Variants in EPHA6 observed in about 807,000 individuals in gnomAD.
The protein encoded by EPHA6 is ephrin type-A receptor 6.
Under a neutral mutation model 112.0 loss-of-function variants are expected in EPHA6, and 50 were observed. The ratio of observed to expected loss-of-function variants is 0.45; its 90% CI spans 0.36 to 0.56. The LOEUF is 0.56. Among genes scored for constraint, EPHA6 ranks in the 20% least tolerant of loss-of-function variants. The pLI is 0.00. For synonymous variants in EPHA6, 529 were observed against 490.7 expected, an observed-to-expected ratio of 1.08 and a Z score of -1.03; for missense variants, 1,280 against 1,417.4, an observed-to-expected ratio of 0.90 and a Z score of 1.56.
intron 5 of EPHA6, among the ~76,000 whole-genome samples, chr3:97,371,937 G>A (rs563209313): frequency 1.3e-5 from 2 of 152,066 alleles, no homozygotes; most frequent in Non-Finnish European, 2.9e-5. Flanking sequence ...ATAAATTTTG[G>A]TCAGAACGGT....
At chr3:97,434,431 T>C (rs1006812399) in intron 6 of EPHA6, among the ~76,000 whole-genome samples, 5 of 152,172 alleles carry the variant, frequency 3.3e-5, no homozygotes, top group Admixed American at 2.0e-4. Flanking sequence ...TGATTTATTT[T>C]GACTAATTTG....
chr3:97,435,885 G>T (rs1167846345), intron 6 of EPHA6, among the ~76,000 whole-genome samples: 1 of 151,930 alleles, frequency 6.6e-6, no homozygotes, highest in Non-Finnish European at 1.5e-5. Flanking sequence ...TACTCTACTC[G>T]CATTTAAAAC....
chr3:97,070,477 A>G (rs1041469228), intron 3 of EPHA6, among the ~76,000 whole-genome samples: 2 of 152,168 alleles, frequency 1.3e-5, no homozygotes, highest in Non-Finnish European at 2.9e-5. Flanking sequence ...TCTCTGAACC[A>G]GAGTAACTCA....
At chr3:97,052,415 AT>A (rs138953805) in intron 3 of EPHA6, among the ~76,000 whole-genome samples, 7 of 151,678 alleles carry the variant, frequency 4.6e-5, no homozygotes, top group East Asian at 1.9e-4. Context: ...AAAGACTTTA[AT>A]TTTTTTTTCT....
chr3:96,945,612 A>G (rs1484358525), intron 2 of EPHA6, among the ~76,000 whole-genome samples: 1 of 152,164 alleles, frequency 6.6e-6, no homozygotes, highest in Admixed American at 6.5e-5. Flanking sequence ...CTATTTTTCT[A>G]GGTTTTTTGG....
intron 6 of EPHA6, chr3:97,447,962 T>TGACTC: frequency 9.5e-6 from 2 of 211,594 alleles, no homozygotes; most frequent in South Asian, 1.7e-4. Flanking sequence ...AGGAGTCAAT[T>TGACTC]CTCCCTTACA....
At chr3:97,694,950 G>A (rs2032935514) in intron 14 of EPHA6, among the ~76,000 whole-genome samples, 1 of 152,186 alleles carries the variant, frequency 6.6e-6, no homozygotes, top group African/African-American at 2.4e-5. Context: ...TCCCTGGGCA[G>A]TACCATCTGA....
intron 3 of EPHA6, among the ~76,000 whole-genome samples, chr3:97,095,978 G>C (rs2047223621): frequency 6.6e-6 from 1 of 151,814 alleles, no homozygotes; most frequent in Non-Finnish European, 1.5e-5. Flanking sequence ...TGAATGTGAT[G>C]GCTCAGGATG....
At chr3:97,546,080 G>T (rs1025917697) in intron 11 of EPHA6, among the ~76,000 whole-genome samples, 5 of 152,152 alleles carry the variant, frequency 3.3e-5, no homozygotes, top group Non-Finnish European at 5.9e-5. Flanking sequence ...AGTTAATATT[G>T]TTATGTGTGA....
At chr3:96,855,986 T>A (rs2035674472) in intron 1 of EPHA6, among the ~76,000 whole-genome samples, 1 of 152,062 alleles carries the variant, frequency 6.6e-6, no homozygotes, top group Admixed American at 6.6e-5. Context: ...AGGCCAGGGT[T>A]GCATAAGGTC....
intron 12 of EPHA6, among the ~76,000 whole-genome samples, chr3:97,595,942 G>A (rs574902490): frequency 9.0e-6 from 1 of 111,276 alleles, no homozygotes; most frequent in African/African-American, 3.6e-5. Flanking sequence ...GTCTCTCTCT[G>A]TCGCCCAGGC....
chr3:97,129,216 G>A (rs1222511575), intron 3 of EPHA6, among the ~76,000 whole-genome samples: 1 of 152,010 alleles, frequency 6.6e-6, no homozygotes, highest in Non-Finnish European at 1.5e-5. Context: ...GTACAGTGGT[G>A]GGGCCAGGTG....
rs1692717117 is a variant in EPHA6 at position 97,199,237 on chromosome 3, C to T, written c.1115-27027C>T. Reference sequence around the variant, plus strand: ...GAGCCACAGTTGGAGGTCATGGCTGCGATTTTGTAAAATAGGGTATTGGGG... The same window carrying T: ...GAGCCACAGTTGGAGGTCATGGCTGTGATTTTGTAAAATAGGGTATTGGGG... On this transcript the variant is annotated intron_variant, in intron 3 of 17. Coordinates refer to ENST00000389672, the MANE Select transcript of EPHA6 (RefSeq NM_001080448.3). Among the ~76,000 whole-genome samples, 4 of 151,988 alleles carry T rather than the reference C, an allele frequency of 2.6e-5. No homozygotes were observed. The South Asian group carries it at 6.2e-4, about 24-fold the overall frequency.
chr3:97,324,440 T>TCTTTCTTTCTTTC (rs2082293970), intron 5 of EPHA6, among the ~76,000 whole-genome samples: 1 of 147,878 alleles, frequency 6.8e-6, no homozygotes, highest in African/African-American at 2.5e-5. Context: ...TTTCTTTCTT[T>TCTTTCTTTCTTTC]CTTTCTTTCT....
chr3:97,548,833 T>C (rs1378360929), intron 11 of EPHA6, among the ~76,000 whole-genome samples: 1 of 152,248 alleles, frequency 6.6e-6, no homozygotes, highest in Non-Finnish European at 1.5e-5. Flanking sequence ...TACAGGTTTT[T>C]ATGTAAACAT....
intron 3 of EPHA6, among the ~76,000 whole-genome samples, chr3:97,033,683 C>T (rs903571665): frequency 5.3e-5 from 8 of 151,870 alleles, no homozygotes; most frequent in African/African-American, 9.7e-5. Context: ...GATTTAAAAA[C>T]GAATCCTTAC....
In EPHA6 at chr3:97,754,707, T is replaced by C. The variant is rs2035982699; in HGVS notation, c.*6006T>C. On this transcript the variant is annotated 3_prime_UTR_variant, in exon 18 of 18. Coordinates refer to ENST00000389672, the MANE Select transcript of EPHA6 (RefSeq NM_001080448.3). ...GCAAAGTTTCCTTTATTTATTTATT[T>C]ATTCATTTATTTTTGAGACGGAGTC... Among the ~76,000 whole-genome samples, 1 of 152,188 alleles carries C rather than the reference T, an allele frequency of 6.6e-6. No individual in the cohort carries two copies. Among genetic ancestry groups the C allele is most frequent in the Non-Finnish European group, 1.5e-5 (1 of 68,032 alleles).
intron 7 of EPHA6, among the ~76,000 whole-genome samples, chr3:97,475,066 C>T (rs932740791): frequency 6.6e-6 from 1 of 152,052 alleles, no homozygotes; most frequent in African/African-American, 2.4e-5. Flanking sequence ...TTTTACAGCA[C>T]ATACTTAATC....
intron 7 of EPHA6, chr3:97,466,183 A>C (rs1240167958): frequency 1.4e-6 from 1 of 706,586 alleles, no homozygotes; most frequent in Non-Finnish European, 2.6e-6. Flanking sequence ...ATTTCACCCT[A>C]CACTTCCAAT....
Sources: gnomAD v4.1 joint callset for allele counts (sites outside exome capture counted in the v4.1 genomes callset) on GRCh38, gnomAD v4.1.1 for gene constraint, MANE v1.5 for transcripts, NCBI Gene and HGNC (gene_info 2026-07-23, HGNC 2026-07-21) for gene names.